Variants in PLXNA1 observed in about 807,000 individuals in gnomAD.
PLXNA1 encodes the protein plexin-A1.
A neutral mutation model predicts 191.7 loss-of-function variants in PLXNA1; 77 were observed. The observed-to-expected ratio is 0.40, with a 90% CI of 0.33 to 0.49. PLXNA1 has a LOEUF of 0.49. PLXNA1 is among the 20% of genes least tolerant of loss of function. The pLI, the probability that PLXNA1 is intolerant of heterozygous loss-of-function variation, is 0.63. For synonymous variants in PLXNA1, 1,137 were observed against 1,156.4 expected (o/e 0.98, Z 0.34); for missense variants, 2,110 against 2,660.2 (o/e 0.79, Z 4.55).
chr3:127,007,650 G>A (rs1392926236), intron 8 of PLXNA1, 149 bp from the exon 9 acceptor site: 10 of 538,064 alleles, frequency 1.9e-5, no homozygotes, highest in Non-Finnish European at 3.3e-5. Context: ...AGGTTTGGGG[G>A]AAGAACTTTC....
intron 19 of PLXNA1, 32 bp downstream of exon 19, chr3:127,017,924 G>T (rs973850366): frequency 6.2e-7 from 1 of 1,608,118 alleles, no homozygotes; most frequent in Non-Finnish European, 8.5e-7. Context: ...GCAGAGCTGG[G>T]AGAGCCATGC....
chr3:127,018,985 G>A (rs2079139703), intron 20 of PLXNA1, among the ~76,000 whole-genome samples: 1 of 152,196 alleles, frequency 6.6e-6, no homozygotes, highest in African/African-American at 2.4e-5. Context: ...GGCAGTCCCT[G>A]GGCACATAGA....
chr3:127,022,878 G>T, intron 23 of PLXNA1, 60 bp downstream of exon 23: 3 of 1,394,652 alleles, frequency 2.2e-6, no homozygotes, highest in Non-Finnish European at 2.0e-6. Flanking sequence ...AGGGGAAAAC[G>T]GAGAGAGGTG....
chr3:127,033,884 G>C, intron 31 of PLXNA1, 38 bp from the exon 32 acceptor site: 1 of 1,535,298 alleles, frequency 6.5e-7, no homozygotes. Flanking sequence ...CATGGAGGCT[G>C]GTGGCCCGGC....
At chr3:126,986,636 C>T (rs2078960632) in intron 1 of PLXNA1, among the ~76,000 whole-genome samples, 1 of 152,212 alleles carries the variant, frequency 6.6e-6, no homozygotes, top group African/African-American at 2.4e-5. Context: ...TGGCAACCAC[C>T]CAGAGCCAGG....
intron 20 of PLXNA1, among the ~76,000 whole-genome samples, chr3:127,019,195 A>T (rs2079140717): frequency 6.7e-6 from 1 of 149,616 alleles, no homozygotes; most frequent in African/African-American, 2.4e-5. Flanking sequence ...GCAGTGTAGG[A>T]CCTTAGCCAT....
intron 23 of PLXNA1, 55 bp from the exon 24 acceptor site, chr3:127,027,885 G>A (rs1440335913): frequency 6.2e-7 from 1 of 1,608,284 alleles, no homozygotes; most frequent in African/African-American, 1.3e-5. Flanking sequence ...TGGAGGGGCA[G>A]GTTGGGGGTA....
In PLXNA1 at chr3:127,020,245, C is replaced by A. The variant is rs993088571; in HGVS notation, c.3939C>A (p.Asp1313Glu). 6.2e-7 allele frequency: 1 copy of A among 1,613,100 alleles called. No homozygotes were observed. Among genetic ancestry groups the A allele is most frequent in the African/African-American group, 1.3e-5 (1 of 74,944 alleles). The change falls in exon 21 of 32, where the codon GAC (aspartate) becomes GAA (glutamate). Residue 1313 changes from aspartate (D) to glutamate (E), a missense_variant. Physicochemically the swap from Asp to Glu is conservative, Grantham distance 45 (BLOSUM62 2). Coordinates refer to ENST00000393409, the MANE Select transcript of PLXNA1 (RefSeq NM_032242.4). The part of the protein sequence containing the change: ...LQTDIHELTN[D>E]LDGAGIPFLD... ...CAGACATCCACGAGCTGACCAATGA[C>A]CTGGACGGTGCCGGCATCCCCTTCC...
rs753430457 is a variant in PLXNA1 at position 127,014,548 on chromosome 3, G to T, written c.2675G>T (p.Arg892Leu). The T allele has an allele frequency of 2.5e-6, 4 of 1,611,970 alleles. No homozygotes were observed. The highest frequency in any genetic ancestry group is 2.5e-6 in the Non-Finnish European group (3 of 1,179,864). Residue 892 changes from arginine to leucine, a missense_variant, in exon 13 of 32, where the codon CGA (arginine) becomes CTA (leucine). Coordinates refer to ENST00000393409, the MANE Select transcript of PLXNA1 (RefSeq NM_032242.4). Reference sequence around the variant, plus strand: ...ATCACAGGCGAGAACCTGGGCCTGCGATTCGAAGACGTGCGTCTGGGCGTG... The same window carrying T: ...ATCACAGGCGAGAACCTGGGCCTGCTATTCGAAGACGTGCGTCTGGGCGTG... ...LTITGENLGL[R>L]FEDVRLGVRV...
At chr3:127,018,990 CAT>C (rs1339561497) in intron 20 of PLXNA1, among the ~76,000 whole-genome samples, 3 of 152,298 alleles carry the variant, frequency 2.0e-5, no homozygotes, top group Non-Finnish European at 4.4e-5. Flanking sequence ...TCCCTGGGCA[CAT>C]AGAGATCTTG....
chr3:127,008,466 A>T (rs761928113), intron 9 of PLXNA1, among the ~76,000 whole-genome samples: 1 of 152,160 alleles, frequency 6.6e-6, no homozygotes, highest in African/African-American at 2.4e-5. Context: ...CACTAGCTTT[A>T]TGAACAGCAG....
intron 8 of PLXNA1, among the ~76,000 whole-genome samples, chr3:127,007,080 G>C (rs1576677710): frequency 6.6e-6 from 1 of 152,340 alleles, no homozygotes; most frequent in East Asian, 1.9e-4. Context: ...CGTCCCAGGT[G>C]GGGTGGGGGA....
rs757773826 is a variant in PLXNA1 at position 126,988,883 on chromosome 3, C to T, written c.290C>T (p.Pro97Leu). 3.1e-6 allele frequency: 5 copies of T among 1,613,306 alleles called. No individual in the cohort carries two copies. The highest frequency in any genetic ancestry group is 1.3e-5 in the African/African-American group (1 of 75,066). Reference sequence around the variant, plus strand: ...GTGGAGGACAACGAGAAGTGCTACCCGCCGCCCAGCGTGCAGTCCTGCCCC... The same window carrying T: ...GTGGAGGACAACGAGAAGTGCTACCTGCCGCCCAGCGTGCAGTCCTGCCCC... ...GPVEDNEKCY[P>L]PPSVQSCPHG... Residue 97 changes from proline to leucine, a missense_variant, in exon 2 of 32, where the codon CCG becomes CTG. Pro to Leu is a moderately conservative substitution (Grantham distance 98, BLOSUM62 -3). This residue lies in a region of PLXNA1 where 903 missense variants were observed against 1,015.7 expected (regional missense o/e 0.89). Coordinates refer to ENST00000393409, the MANE Select transcript of PLXNA1 (RefSeq NM_032242.4).
In PLXNA1 at chr3:126,992,188, G is replaced by A. The variant is rs553626835; in HGVS notation, c.1377+622G>A. Reference sequence around the variant, plus strand: ...GGTTCTCCTTTCCTTCCCCAGAACAGTGGGCTGGACAGAGGCAGTGCAGAG... The same window carrying A: ...GGTTCTCCTTTCCTTCCCCAGAACAATGGGCTGGACAGAGGCAGTGCAGAG... On this transcript the variant is annotated intron_variant, in intron 3 of 31. Coordinates refer to ENST00000393409, the MANE Select transcript of PLXNA1 (RefSeq NM_032242.4). Among the ~76,000 whole-genome samples, 247 of 152,306 alleles carry A rather than the reference G, an allele frequency of 1.6e-3. 2 individuals carry two copies. Among genetic ancestry groups the A allele is most frequent in the African/African-American group, 5.6e-3 (232 of 41,574 alleles).
At chr3:126,995,936 C>A (rs752396528) in intron 3 of PLXNA1, among the ~76,000 whole-genome samples, 2 of 152,148 alleles carry the variant, frequency 1.3e-5, no homozygotes, top group Non-Finnish European at 2.9e-5. Flanking sequence ...CTCCCTGTGG[C>A]GGTCCCTGCA....
intron 16 of PLXNA1, 93 bp from the exon 17 acceptor site, chr3:127,016,850 AG>A: frequency 1.4e-6 from 2 of 1,402,836 alleles, no homozygotes; most frequent in Non-Finnish European, 2.0e-6. Flanking sequence ...TCTTTGGGGA[AG>A]GCAGGCTTTG....
At chr3:126,985,360 C>G (rs1421658383) in intron 1 of PLXNA1, among the ~76,000 whole-genome samples, 2 of 152,164 alleles carry the variant, frequency 1.3e-5, no homozygotes, top group Non-Finnish European at 2.9e-5. Flanking sequence ...CAAGGCCAGT[C>G]TAGCCTCCCC....
chr3:127,030,406 G>A lies in PLXNA1; in HGVS notation c.5225G>A (p.Ser1742Asn), dbSNP rs758563858. Residue 1742 changes from serine to asparagine, a missense_variant, in exon 29 of 32, where the codon AGC (serine) becomes AAC (asparagine). Ser to Asn is a conservative substitution (Grantham distance 46). Around this residue, in one of 4 missense-constraint regions of PLXNA1, gnomAD observed 559 missense variants for 911.5 expected, o/e 0.61. Coordinates refer to ENST00000393409, the MANE Select transcript of PLXNA1 (RefSeq NM_032242.4). ...GCTGACGTGCGCCACACCTGGAAGA[G>A]CAACTGGTAATGCAGGGCAGGGGGA... is the stretch of plus-strand genomic sequence containing the variant. The part of the protein sequence containing the change: ...HDADVRHTWK[S>N]NCLPLRFWVN... 6.2e-7 allele frequency: 1 copy of A among 1,613,820 alleles called. No homozygotes were observed. The highest frequency in any genetic ancestry group is 8.5e-7 in the Non-Finnish European group (1 of 1,179,946).
intron 9 of PLXNA1, among the ~76,000 whole-genome samples, chr3:127,010,750 C>T (rs1343756833): frequency 2.0e-5 from 3 of 152,210 alleles, no homozygotes; most frequent in Admixed American, 2.0e-4. Context: ...AGCTTCATGT[C>T]TCGTGCTACC....
Sources: allele counts gnomAD v4.1 joint callset (sites outside exome capture counted in the v4.1 genomes callset), GRCh38; gene constraint gnomAD v4.1.1; regional missense constraint gnomAD v4.1.1; transcripts MANE v1.5; gene names NCBI Gene and HGNC (gene_info 2026-07-23, HGNC 2026-07-21).